PATE4: variants seen among roughly 807,000 people sequenced by gnomAD.
PATE4 encodes the protein prostate and testis expressed protein 4.
PATE4 carries 13 observed loss-of-function variants against 8.5 expected under a neutral mutation model. The observed-to-expected ratio is 1.53, with a 90% CI of 1.00 to 2.43. The LOEUF is 2.43. PATE4 is among the 30% of genes most tolerant of loss of function. PATE4 has a pLI of 0.00. For missense variants in PATE4, 127 were observed against 115.5 expected, an observed-to-expected ratio of 1.10 and a Z score of -0.46; for synonymous variants, 47 against 39.3, an observed-to-expected ratio of 1.20 and a Z score of -0.73.
At chr11:125,835,568 CA>C (rs1247473243) in intron 1 of PATE4, 5 of 152,156 alleles carry the variant, frequency 3.3e-5, no homozygotes, top group Non-Finnish European at 7.3e-5. Flanking sequence ...GGAAATACAC[CA>C]CTCACGATAC....
intron 2 of PATE4, 87 bp from the exon 3 acceptor site, chr11:125,838,219 A>G: frequency 7.3e-7 from 1 of 1,377,598 alleles, no homozygotes; most frequent in Non-Finnish European, 9.6e-7. Flanking sequence ...CCCAGTGTTA[A>G]GTGCTATTCC....
rs1943944873 is a variant in PATE4 at position 125,839,496 on chromosome 11, T to C, written c.*1069T>C. On this transcript the variant is annotated 3_prime_UTR_variant, in exon 3 of 3. Coordinates refer to ENST00000457514, the MANE Select transcript of PATE4 (RefSeq NM_001144874.1). ...TTTATCAGTTCCTCATTAGCTTGTG[T>C]ACTCACTGAAATTCTTTTAGCAGTT... 6.6e-6 allele frequency: 1 copy of C among 152,278 alleles called. No homozygotes were observed. The highest frequency in any genetic ancestry group is 2.4e-5 in the African/African-American group (1 of 41,452). 9.4% of individuals were successfully genotyped at this position (152,278 alleles called of 1,614,324 possible).
chr11:125,838,091 G>A, intron 2 of PATE4, 107 bp downstream of exon 2: 1 of 1,045,040 alleles, frequency 9.6e-7, no homozygotes. Context: ...AGGAGGTAAG[G>A]CAAGGAATAA....
intron 2 of PATE4, 43 bp downstream of exon 2, chr11:125,838,027 C>T: frequency 7.1e-7 from 1 of 1,403,360 alleles, no homozygotes. Context: ...CTGCAAAGAA[C>T]CATCACTCTT....
At chr11:125,833,700 T>G (rs1358468930) in intron 1 of PATE4, among the ~76,000 whole-genome samples, 1 of 152,188 alleles carries the variant, frequency 6.6e-6, no homozygotes, top group Admixed American at 6.5e-5. Flanking sequence ...TTCTCCTTTA[T>G]TATCTCCTAC....
At position 125,837,985 on chromosome 11, in the gene PATE4, G is replaced by A; in HGVS notation, c.175+1G>A. 2 of 1,549,948 alleles carry A rather than the reference G, an allele frequency of 1.3e-6. No individual in the cohort carries two copies. Among genetic ancestry groups the A allele is most frequent in the Non-Finnish European group, 8.7e-7 (1 of 1,145,448 alleles). ...TGTTCAACAACAGCCTATTTCAGGG[G>A]TAAGTGGGGCTCATGAAGACTCCAA... On this transcript the variant is annotated splice_donor_variant, in intron 2 of 2. Coordinates refer to ENST00000457514, the MANE Select transcript of PATE4 (RefSeq NM_001144874.1). LOFTEE classifies it high-confidence loss of function.
Position 125,838,397 on chromosome 11 carries a change from C to T in PATE4, c.267C>T (p.Cys89=), listed in dbSNP as rs546343579. 21 of 1,550,682 alleles carry T rather than the reference C, an allele frequency of 1.4e-5. No homozygotes were observed. The African/African-American group carries it at 2.7e-4, about 20-fold the overall frequency. ...GAGGCCTGTTGAGAGTGACACTGTG[C>T]TGTGACAGAAACTTCTGTAATGTCT... is the stretch of plus-strand genomic sequence containing the variant. ...SKRGLLRVTL[C]CDRNFCNVF Residue 89 remains cysteine (C), a synonymous_variant, in exon 3 of 3, where the codon TGC becomes TGT. Transcript: ENST00000457514.
chr11:125,839,214 A>T lies in PATE4; in HGVS notation c.*787A>T, dbSNP rs535465211. The T allele has an allele frequency of 6.6e-6, 1 of 152,308 alleles. No individual in the cohort carries two copies. The highest frequency in any genetic ancestry group is 2.4e-5 in the African/African-American group (1 of 41,552). 9.4% of individuals were successfully genotyped at this position (152,308 alleles called of 1,614,324 possible). ...TGGGAAACTAATACAATCCAAATAA[A>T]CTTCTAGGAATTCAAATCATTGGTA... On this transcript the variant is annotated 3_prime_UTR_variant, in exon 3 of 3. Coordinates refer to ENST00000457514, the MANE Select transcript of PATE4 (RefSeq NM_001144874.1).
At chr11:125,838,204 G>A (rs538105878) in intron 2 of PATE4, 102 bp from the exon 3 acceptor site, 2 of 1,306,498 alleles carry the variant, frequency 1.5e-6, no homozygotes, top group South Asian at 1.5e-5. Context: ...GAGCCGGGAA[G>A]GAGACCCAGT....
chr11:125,833,321 C>T lies in PATE4; in HGVS notation c.-39C>T. On this transcript the variant is annotated 5_prime_UTR_variant, in exon 1 of 3. Coordinates refer to ENST00000457514, the MANE Select transcript of PATE4 (RefSeq NM_001144874.1). ...AGCTAGTGGCTGCCCTTTCCAATAC[C>T]TCACTCAGCACACCGTCTGTCACCC... The T allele has an allele frequency of 1.9e-6, 3 of 1,542,472 alleles. No individual in the cohort carries two copies. Among genetic ancestry groups the T allele is most frequent in the Non-Finnish European group, 2.6e-6 (3 of 1,138,982 alleles).
chr11:125,834,307 C>T (rs74361359), intron 1 of PATE4, among the ~76,000 whole-genome samples: 1 of 151,972 alleles, frequency 6.6e-6, no homozygotes, highest in Non-Finnish European at 1.5e-5. Flanking sequence ...GCTAATATCC[C>T]TGATATGTAA....
At chr11:125,838,267 A>G (rs1455407323) in intron 2 of PATE4, 39 bp from the exon 3 acceptor site, 1 of 1,506,668 alleles carries the variant, frequency 6.6e-7, no homozygotes, top group South Asian at 1.3e-5. Flanking sequence ...TAGTAAGGCA[A>G]TCTCCTCCAG....
intron 1 of PATE4, among the ~76,000 whole-genome samples, chr11:125,836,553 C>T (rs1943921198): frequency 6.6e-6 from 1 of 152,114 alleles, no homozygotes; most frequent in African/African-American, 2.4e-5. Context: ...GTGCCCATAC[C>T]ACACCACCCA....
At position 125,837,990 on chromosome 11, in the gene PATE4, T is replaced by C. The variant is rs1014249522; in HGVS notation, c.175+6T>C. On this transcript the variant is annotated splice_donor_region_variant and intron_variant, in intron 2 of 2. Coordinates refer to ENST00000457514, the MANE Select transcript of PATE4 (RefSeq NM_001144874.1). ...AACAACAGCCTATTTCAGGGGTAAG[T>C]GGGGCTCATGAAGACTCCAAAATTG... The C allele has an allele frequency of 6.5e-7, 1 of 1,547,436 alleles. No homozygotes were observed. Among genetic ancestry groups the C allele is most frequent in the Non-Finnish European group, 8.7e-7 (1 of 1,143,334 alleles).
Position 125,833,338 on chromosome 11 carries a change from C to CT in PATE4, c.-21dup. 1 of 1,550,872 alleles carries CT rather than the reference C, an allele frequency of 6.4e-7. No homozygotes were observed. Among genetic ancestry groups the CT allele is most frequent in the South Asian group, 1.2e-5 (1 of 84,000 alleles). ...TCCAATACCTCACTCAGCACACCGTCTGTCACCCAAACAAGCATCCAATGA... is the reference window on the plus strand; with the variant it reads ...TCCAATACCTCACTCAGCACACCGTCTTGTCACCCAAACAAGCATCCAATGA... On this transcript the variant is annotated 5_prime_UTR_variant, in exon 1 of 3. Transcript: ENST00000457514.
At chr11:125,838,207 G>C (rs987770884) in intron 2 of PATE4, 99 bp from the exon 3 acceptor site, 1 of 1,317,664 alleles carries the variant, frequency 7.6e-7, no homozygotes, top group African/African-American at 1.5e-5. Flanking sequence ...CCGGGAAGGA[G>C]ACCCAGTGTT....
chr11:125,837,703 T>C (rs996773848), intron 1 of PATE4, among the ~76,000 whole-genome samples, 165 bp from the exon 2 acceptor site: 2 of 152,206 alleles, frequency 1.3e-5, no homozygotes, highest in Admixed American at 6.5e-5. Flanking sequence ...TTTATCCACC[T>C]CCTAGCTTAA....
In PATE4 at chr11:125,838,362, T is replaced by A; in HGVS notation, c.232T>A (p.Ser78Thr). 1 of 1,551,096 alleles carries A rather than the reference T, an allele frequency of 6.4e-7. No homozygotes were observed. The highest frequency in any genetic ancestry group is 2.4e-5 in the East Asian group (1 of 40,904). ...MCKYKCREEESSKRGLLRVTL... is the reference protein window; with the variant it reads ...MCKYKCREEETSKRGLLRVTL... ...TAAGTATAAGTGCCGGGAAGAGGAG[T>A]CCTCCAAAAGAGGCCTGTTGAGAGT... The change falls in exon 3 of 3, where the codon TCC (serine) becomes ACC (threonine). Residue 78 changes from serine (S) to threonine (T), a missense_variant. By Grantham distance (58) the Ser-to-Thr change is moderately conservative. Coordinates refer to ENST00000457514, the MANE Select transcript of PATE4 (RefSeq NM_001144874.1).
chr11:125,838,277 G>C (rs941256070), intron 2 of PATE4, 29 bp from the exon 3 acceptor site: 14 of 1,520,754 alleles, frequency 9.2e-6, no homozygotes, highest in Non-Finnish European at 1.2e-5. Flanking sequence ...ATCTCCTCCA[G>C]CATTTATAAC....
Sources: allele counts gnomAD v4.1 joint callset (sites outside exome capture counted in the v4.1 genomes callset), GRCh38; gene constraint gnomAD v4.1.1; transcripts MANE v1.5; gene names NCBI Gene and HGNC (gene_info 2026-07-23, HGNC 2026-07-21).